Variants in MARCHF8 observed in about 807,000 individuals in gnomAD.
MARCHF8 encodes the protein E3 ubiquitin-protein ligase MARCHF8.
In MARCHF8, 40 loss-of-function variants were observed where a neutral mutation model predicts 51.6. That is an observed-to-expected ratio of 0.77 (90% CI 0.60 to 1.01). MARCHF8 has a LOEUF of 1.01. Among genes scored for constraint, MARCHF8 ranks in the 50% least tolerant of loss-of-function variants. The probability of loss-of-function intolerance (pLI) is 0.00; values close to 1 mark genes in which losing one functional copy is unlikely to be tolerated. For missense variants in MARCHF8, 685 were observed against 708.6 expected (o/e 0.97, Z 0.38); for synonymous variants, 263 against 280.3 (o/e 0.94, Z 0.62).
At chr10:45,528,827 G>A (rs767755690) in intron 2 of MARCHF8, among the ~76,000 whole-genome samples, 3 of 152,122 alleles carry the variant, frequency 2.0e-5, no homozygotes, top group African/African-American at 4.8e-5. Context: ...AAACGCTGAC[G>A]AAAGAAATCA....
chr10:45,555,920 G>A (rs891689499), intron 1 of MARCHF8, among the ~76,000 whole-genome samples: 6 of 152,052 alleles, frequency 3.9e-5, no homozygotes, highest in African/African-American at 1.4e-4. Flanking sequence ...ATACCTCTGG[G>A]TAACTGAACA....
chr10:45,553,469 C>T (rs566449105), intron 1 of MARCHF8, among the ~76,000 whole-genome samples: 85 of 152,302 alleles, frequency 5.6e-4, no homozygotes, highest in Admixed American at 2.1e-3. Flanking sequence ...AGTAACATTA[C>T]GCTTGAATAC....
In MARCHF8 at chr10:45,461,325, C is replaced by A; in HGVS notation, c.1175G>T (p.Cys392Phe). The change falls in exon 6 of 8, where the codon TGC becomes TTC. Residue 392 changes from cysteine (C) to phenylalanine (F), a missense_variant. Physicochemically the swap from Cys to Phe is radical, Grantham distance 205. Transcript: ENST00000453424. ...GGAGCTCTTGATCCACTGCTGCAGGCAGGCCTGGTGCACGAAGTGGAGGCT... is the reference window on the plus strand; with the variant it reads ...GGAGCTCTTGATCCACTGCTGCAGGAAGGCCTGGTGCACGAAGTGGAGGCT... ...TGSLHFVHQA[C>F]LQQWIKSSDT... 3.7e-6 allele frequency: 6 copies of A among 1,608,022 alleles called. No homozygotes were observed. Among genetic ancestry groups the A allele is most frequent in the Non-Finnish European group, 5.1e-6 (6 of 1,177,554 alleles).
At chr10:45,573,033 T>C (rs887438591) in intron 1 of MARCHF8, among the ~76,000 whole-genome samples, 1 of 152,098 alleles carries the variant, frequency 6.6e-6, no homozygotes, top group East Asian at 1.9e-4. Flanking sequence ...GCTAAAGGCA[T>C]AGTAAAGGTT....
rs1483455205 is a variant in MARCHF8, at chr10:45,463,823, G to T, written c.416C>A (p.Ala139Asp). ...TTTGGTATTCTTAGCAGGCTTCAAG[G>T]CCTGGGCCCATTCTGAACCAAAGGA... ...RNSFGSEWAQ[A>D]LKPAKNTKAR... is the part of the protein sequence containing the mutation. Residue 139 changes from alanine (A) to aspartate (D), a missense_variant, in exon 5 of 8, where the codon GCC (alanine) becomes GAC (aspartate). Transcript: ENST00000453424. 9 of 1,547,330 alleles carry T rather than the reference G, an allele frequency of 5.8e-6. No homozygotes were observed. Among genetic ancestry groups the T allele is most frequent in the Non-Finnish European group, 7.0e-6 (8 of 1,147,066 alleles).
intron 3 of MARCHF8, among the ~76,000 whole-genome samples, chr10:45,475,756 G>A (rs951511158): frequency 6.6e-5 from 10 of 152,044 alleles, no homozygotes; most frequent in Non-Finnish European, 2.9e-5. Flanking sequence ...AAGCTACAAG[G>A]AGGTCCCCCA....
At chr10:45,535,846 T>C (rs1049757777), upstream of MARCHF8, among the ~76,000 whole-genome samples, 8 of 152,182 alleles carry the variant, frequency 5.3e-5, no homozygotes, top group Non-Finnish European at 1.0e-4. Context: ...TAATGCTAAC[T>C]TGCAAAATAC....
intron 2 of MARCHF8, among the ~76,000 whole-genome samples, chr10:45,493,039 G>A (rs1411212752): frequency 2.6e-5 from 4 of 152,178 alleles, no homozygotes; most frequent in African/African-American, 9.7e-5. Flanking sequence ...GACGCTCAAC[G>A]TGTATTACCA....
rs2043956705 is a variant in MARCHF8, at chr10:45,535,335, G to A, written c.-203C>T. 1 of 152,180 alleles carries A rather than the reference G, an allele frequency of 6.6e-6. No homozygotes were observed. The highest frequency in any genetic ancestry group is 2.4e-5 in the African/African-American group (1 of 41,422). 9.4% of individuals were successfully genotyped at this position (152,180 alleles called of 1,614,324 possible). A position where few individuals can be genotyped will look rare whatever the true frequency, so the allele number is the denominator to read the frequency against. On this transcript the variant is annotated 5_prime_UTR_variant, in exon 1 of 8. Coordinates refer to ENST00000453424, the MANE Select transcript of MARCHF8 (RefSeq NM_001282866.2). The stretch of plus-strand genomic sequence containing the variant: ...TCCATGGGGCCTCTTGGAATACTTG[G>A]TCAAACTGACGATATCCACAGCCCT...
intron 1 of MARCHF8, among the ~76,000 whole-genome samples, chr10:45,554,855 G>A (rs2133348459): frequency 6.6e-6 from 1 of 152,324 alleles, no homozygotes; most frequent in East Asian, 1.9e-4. Flanking sequence ...AAGCGTTCAA[G>A]ACCAGCCTGG....
At chr10:45,487,920 T>C (rs2043012195) in intron 3 of MARCHF8, among the ~76,000 whole-genome samples, 1 of 151,996 alleles carries the variant, frequency 6.6e-6, no homozygotes, top group African/African-American at 2.4e-5. Flanking sequence ...GCTGAATCTG[T>C]GGTGTGTTTG....
chr10:45,492,900 A>T (rs78220003), intron 2 of MARCHF8, among the ~76,000 whole-genome samples: 9,376 of 152,266 alleles, frequency 0.062, 330 homozygotes, highest in Non-Finnish European at 0.066. Context: ...TTATACTTAC[A>T]GGTGGAGCAT....
intron 3 of MARCHF8, among the ~76,000 whole-genome samples, chr10:45,474,669 A>G (rs71494786): frequency 0.062 from 9,437 of 152,278 alleles, 332 homozygotes; most frequent in Non-Finnish European, 0.067. Flanking sequence ...ACAAAGAAGA[A>G]CCAAAATAGC....
At chr10:45,471,478 C>G (rs1034992547) in intron 3 of MARCHF8, among the ~76,000 whole-genome samples, 1 of 152,264 alleles carries the variant, frequency 6.6e-6, no homozygotes, top group Non-Finnish European at 1.5e-5. Flanking sequence ...TCCAAAATCA[C>G]CAGAAATAAC....
chr10:45,580,736 A>C (rs2044545499), intron 1 of MARCHF8, among the ~76,000 whole-genome samples: 1 of 152,226 alleles, frequency 6.6e-6, no homozygotes, highest in South Asian at 2.1e-4. Context: ...ACAGACTCCA[A>C]GGCAGGCTTG....
In MARCHF8 at chr10:45,472,397, C is replaced by T. The variant is rs2042709075; in HGVS notation, c.154-8070G>A. On this transcript the variant is annotated intron_variant, in intron 3 of 7. Coordinates refer to ENST00000453424, the MANE Select transcript of MARCHF8 (RefSeq NM_001282866.2). The stretch of plus-strand genomic sequence containing the variant: ...TTGCTCAATGAACTAAACAGCTACC[C>T]TCTGGGGAGACTGTGCCTCTACAAC... 2.0e-5 allele frequency among the ~76,000 whole-genome samples: 3 copies of T among 152,222 alleles called. No homozygotes were observed. In the South Asian group the frequency reaches 6.2e-4, roughly 31 times the overall value.
chr10:45,509,797 A>G (rs570120649), intron 2 of MARCHF8, among the ~76,000 whole-genome samples: 1 of 152,312 alleles, frequency 6.6e-6, no homozygotes, highest in East Asian at 1.9e-4. Context: ...GAATTCTTAT[A>G]AATAAAACAG....
chr10:45,588,275 GA>G (rs1464376338), intron 1 of MARCHF8, among the ~76,000 whole-genome samples: 4 of 151,776 alleles, frequency 2.6e-5, no homozygotes, highest in African/African-American at 9.7e-5. Flanking sequence ...TTCTTCAACT[GA>G]AGAACAGAAA....
At chr10:45,579,942 G>A (rs1020848027) in intron 1 of MARCHF8, among the ~76,000 whole-genome samples, 11 of 146,648 alleles carry the variant, frequency 7.5e-5, no homozygotes, top group African/African-American at 2.8e-4. Context: ...GAACTCGGGA[G>A]GCGGAGGTTG....
Sources: gnomAD v4.1 joint callset for allele counts (sites outside exome capture counted in the v4.1 genomes callset) on GRCh38, gnomAD v4.1.1 for gene constraint, MANE v1.5 for transcripts, NCBI Gene and HGNC (gene_info 2026-07-23, HGNC 2026-07-21) for gene names.